Variants in KCNQ4 observed in about 807,000 individuals in gnomAD.
KCNQ4 encodes the protein potassium voltage-gated channel subfamily Q member 4.
In KCNQ4, 31 loss-of-function variants were observed where a neutral mutation model predicts 72.6. The ratio of observed to expected loss-of-function variants is 0.43; its 90% CI spans 0.32 to 0.58. KCNQ4 has a LOEUF of 0.58. KCNQ4 is among the 20% of genes least tolerant of loss of function. The pLI is 0.08. For missense variants in KCNQ4, 869 were observed against 962.6 expected, an observed-to-expected ratio of 0.90 and a Z score of 1.29; for synonymous variants, 405 against 403.7, an observed-to-expected ratio of 1.00 and a Z score of -0.04.
chr1:40,833,404 G>A (rs1214951877), intron 11 of KCNQ4, among the ~76,000 whole-genome samples: 3 of 150,592 alleles, frequency 2.0e-5, no homozygotes, highest in Non-Finnish European at 4.4e-5. Flanking sequence ...GAGTGAAACT[G>A]TATAAAAAAA....
intron 1 of KCNQ4, among the ~76,000 whole-genome samples, chr1:40,797,167 C>T (rs1036764199): frequency 3.9e-5 from 6 of 152,180 alleles, no homozygotes; most frequent in African/African-American, 1.4e-4. Flanking sequence ...CTGGCAGTTA[C>T]CAGGCAGGGT....
intron 9 of KCNQ4, chr1:40,826,614 C>A (rs1190248364): frequency 6.6e-6 from 3 of 454,538 alleles, no homozygotes; most frequent in Admixed American, 4.7e-5. Flanking sequence ...AACCTCTGTT[C>A]GTGTCTTATT....
At chr1:40,787,284 A>C (rs1647212497) in intron 1 of KCNQ4, among the ~76,000 whole-genome samples, 1 of 152,172 alleles carries the variant, frequency 6.6e-6, no homozygotes, top group South Asian at 2.1e-4. Context: ...TGGGAGGATC[A>C]CTTGAACCCA....
rs533689745 is a variant in KCNQ4, at chr1:40,788,505, T to C, written c.314+4098T>C. ...CTCTCTCTAAACCGGTCTCATTGTG[T>C]CCTTCTGCAGCCTTGTGAGGTGGGC... is the stretch of plus-strand genomic sequence containing the variant. On this transcript the variant is annotated intron_variant, in intron 1 of 13. Coordinates refer to ENST00000347132, the MANE Select transcript of KCNQ4 (RefSeq NM_004700.4). This position sits in a 1 kb window ranked among gnomAD's most constrained non-coding sequence, Gnocchi z 4.5. Among the ~76,000 whole-genome samples, 12 of 152,332 alleles carry C rather than the reference T, an allele frequency of 7.9e-5. No individual in the cohort carries two copies. The South Asian group carries it at 2.5e-3, about 32-fold the overall frequency.
At chr1:40,825,883 T>C (rs1045319685) in intron 9 of KCNQ4, among the ~76,000 whole-genome samples, 2 of 152,172 alleles carry the variant, frequency 1.3e-5, no homozygotes, top group Non-Finnish European at 2.9e-5. Context: ...CTTTGGTCCC[T>C]GACACCCCCA....
intron 1 of KCNQ4, among the ~76,000 whole-genome samples, chr1:40,815,497 T>A (rs368927820): frequency 6.6e-6 from 1 of 152,206 alleles, no homozygotes; most frequent in Non-Finnish European, 1.5e-5. Context: ...TGCAGGTACA[T>A]GTGGCCGCTG....
At chr1:40,809,830 C>T (rs1297918142) in intron 1 of KCNQ4, among the ~76,000 whole-genome samples, 2 of 152,032 alleles carry the variant, frequency 1.3e-5, no homozygotes, top group South Asian at 2.1e-4. Flanking sequence ...TTTGGGAGGC[C>T]GAGGCAGGTG....
chr1:40,811,902 T>A (rs77297257), intron 1 of KCNQ4, among the ~76,000 whole-genome samples: 2,229 of 152,294 alleles, frequency 0.015, 70 homozygotes, highest in African/African-American at 0.05. Context: ...TATATTTGTA[T>A]AGATGGAGAA....
intron 1 of KCNQ4, among the ~76,000 whole-genome samples, chr1:40,792,497 G>C (rs1294402085): frequency 6.6e-6 from 1 of 152,220 alleles, no homozygotes; most frequent in Non-Finnish European, 1.5e-5. Context: ...TGGGGAAACT[G>C]AGGCTAGAAG....
Position 40,794,062 on chromosome 1 carries a change from A to T in KCNQ4, c.314+9655A>T, listed in dbSNP as rs915055536. On this transcript the variant is annotated intron_variant, in intron 1 of 13. Coordinates refer to ENST00000347132, the MANE Select transcript of KCNQ4 (RefSeq NM_004700.4). The surrounding 1 kb of genome is among the most constrained non-coding windows in gnomAD (Gnocchi z 4.2). ...AGTAAGGATGAGAAGGGTTTTGCCAACTAGAGAGAAGTGGAGAAAAGACCC... is the reference window on the plus strand; with the variant it reads ...AGTAAGGATGAGAAGGGTTTTGCCATCTAGAGAGAAGTGGAGAAAAGACCC... Among the ~76,000 whole-genome samples, 12 of 152,222 alleles carry T rather than the reference A, an allele frequency of 7.9e-5. No homozygotes were observed. Among genetic ancestry groups the T allele is most frequent in the African/African-American group, 2.9e-4 (12 of 41,452 alleles).
intron 12 of KCNQ4, among the ~76,000 whole-genome samples, chr1:40,836,269 TAAGAG>T (rs1648803545): frequency 6.6e-6 from 1 of 152,112 alleles, no homozygotes; most frequent in Non-Finnish European, 1.5e-5. Context: ...GATGGGGTGT[TAAGAG>T]AAAGAAGAGA....
chr1:40,838,621 C>A lies in KCNQ4; in HGVS notation c.*98C>A. 2 of 1,140,886 alleles carry A rather than the reference C, an allele frequency of 1.8e-6. No homozygotes were observed. The highest frequency in any genetic ancestry group is 2.6e-6 in the Non-Finnish European group (2 of 759,732). 70.7% of individuals were successfully genotyped at this position (1,140,886 alleles called of 1,614,324 possible). On this transcript the variant is annotated 3_prime_UTR_variant, in exon 14 of 14. Transcript: ENST00000347132. ...CGGACTCCTCTCGTACTTGAACTCA[C>A]TCCCTCACGGGGAGAGAGACCACAC...
At chr1:40,803,059 T>A (rs1647634635) in intron 1 of KCNQ4, among the ~76,000 whole-genome samples, 1 of 152,190 alleles carries the variant, frequency 6.6e-6, no homozygotes, top group African/African-American at 2.4e-5. Context: ...GTTAGTAAGT[T>A]ACTGGAAGTT....
At chr1:40,821,831 C>T (rs1255534959) in intron 7 of KCNQ4, among the ~76,000 whole-genome samples, 1 of 152,158 alleles carries the variant, frequency 6.6e-6, no homozygotes, top group African/African-American at 2.4e-5. Context: ...AGGGGAATAA[C>T]AGGAGTGTTT....
intron 1 of KCNQ4, among the ~76,000 whole-genome samples, chr1:40,813,383 C>T (rs1043810034): frequency 2.0e-5 from 3 of 152,048 alleles, no homozygotes; most frequent in Admixed American, 6.6e-5. Flanking sequence ...TGGGATGGTG[C>T]GACCTGGCCT....
intron 1 of KCNQ4, among the ~76,000 whole-genome samples, chr1:40,795,686 C>T (rs1287140830): frequency 1.3e-5 from 2 of 151,982 alleles, no homozygotes; most frequent in Non-Finnish European, 2.9e-5. Context: ...TATGGGGGAG[C>T]GGGGCAGGTG....
Position 40,794,438 on chromosome 1 carries a change from A to G in KCNQ4, c.314+10031A>G, listed in dbSNP as rs1421248264. On this transcript the variant is annotated intron_variant, in intron 1 of 13. Transcript: ENST00000347132. The surrounding 1 kb of genome is among the most constrained non-coding windows in gnomAD (Gnocchi z 4.2). ...TTATTGTTCCCATTTTGCAGACAAGAAACTGGGGCTCAAAGAAGAGAAACA... is the reference window on the plus strand; with the variant it reads ...TTATTGTTCCCATTTTGCAGACAAGGAACTGGGGCTCAAAGAAGAGAAACA... Among the ~76,000 whole-genome samples, 1 of 152,220 alleles carries G rather than the reference A, an allele frequency of 6.6e-6. No individual in the cohort carries two copies. The highest frequency in any genetic ancestry group is 2.4e-5 in the African/African-American group (1 of 41,466).
Position 40,784,184 on chromosome 1 carries a change from A to G in KCNQ4, c.91A>G (p.Ser31Gly), listed in dbSNP as rs1414546484. 1 of 1,125,616 alleles carries G rather than the reference A, an allele frequency of 8.9e-7. No individual in the cohort carries two copies. Among genetic ancestry groups the G allele is most frequent in the Non-Finnish European group, 1.1e-6 (1 of 918,152 alleles). 69.7% of individuals were successfully genotyped at this position (1,125,616 alleles called of 1,614,324 possible). Residue 31 changes from serine to glycine, a missense_variant, in exon 1 of 14, where the codon AGC becomes GGC. Physicochemically the swap from Ser to Gly is moderately conservative, Grantham distance 56. This residue lies in a region of KCNQ4 where 178 missense variants were observed against 145.3 expected (regional missense o/e 1.22). Transcript: ENST00000347132. This position sits in a 1 kb window ranked among gnomAD's most constrained non-coding sequence, Gnocchi z 4.1. Reference sequence around the variant, plus strand: ...GCTAGTGGCGCTCACGGCCGTGCAGAGCGAACAGGGCGAGGCGGGCGGGGG... The same window carrying G: ...GCTAGTGGCGCTCACGGCCGTGCAGGGCGAACAGGGCGAGGCGGGCGGGGG... Reference protein sequence around the residue: ...AELVALTAVQSEQGEAGGGGS... With the variant: ...AELVALTAVQGEQGEAGGGGS...
rs1027393041 is a variant in KCNQ4 at position 40,784,534 on chromosome 1, C to T, written c.314+127C>T. ...AGGGCCGACCCTCATCTCTCTCCCC[C>T]CAGGCCTAAGCCCGGTTTCTGATCC... On this transcript the variant is annotated intron_variant, in intron 1 of 13. Transcript: ENST00000347132. The surrounding 1 kb of genome is among the most constrained non-coding windows in gnomAD (Gnocchi z 4.1). The T allele has an allele frequency of 2.0e-5, 18 of 895,332 alleles. No homozygotes were observed. In the East Asian group the frequency reaches 4.1e-4, roughly 20 times the overall value. The allele number at this position is 895,332 out of a possible 1,614,324, so 55.5% of individuals were successfully genotyped here.
Sources: gnomAD v4.1 joint callset for allele counts (sites outside exome capture counted in the v4.1 genomes callset) on GRCh38, gnomAD v4.1.1 for gene constraint, gnomAD v4.1.1 regional missense constraint, Gnocchi (gnomAD v3.1) non-coding constraint, MANE v1.5 for transcripts, NCBI Gene and HGNC (gene_info 2026-07-23, HGNC 2026-07-21) for gene names.